The following MTRF1 variants were observed in gnomAD, a reference collection of about 807,000 sequenced individuals.
MTRF1 encodes the protein peptide chain release factor 1, mitochondrial.
In MTRF1, 51 loss-of-function variants were observed where a neutral mutation model predicts 62.9. That is an observed-to-expected ratio of 0.81 (90% CI 0.65 to 1.02). MTRF1 has a LOEUF of 1.02. MTRF1 is among the 50% of genes least tolerant of loss of function. MTRF1 has a pLI of 0.00. For missense variants in MTRF1, 446 were observed against 530.0 expected (o/e 0.84, Z 1.56); for synonymous variants, 158 against 181.9 (o/e 0.87, Z 1.06).
At chr13:41,306,465 G>A in the MTRF1 span, among the ~76,000 whole-genome samples, 2 of 152,160 alleles carry the variant, frequency 1.3e-5, no homozygotes, top group East Asian at 1.9e-4. Context: ...GGAACACGTT[G>A]TATAACCTGA....
chr13:41,309,682 A>C, the MTRF1 span, among the ~76,000 whole-genome samples: 1 of 152,182 alleles, frequency 6.6e-6, no homozygotes, highest in Admixed American at 6.5e-5. Context: ...TTCATGTCCA[A>C]CCAACTTAGG....
the MTRF1 span, among the ~76,000 whole-genome samples, chr13:41,277,866 G>A: frequency 2.6e-5 from 4 of 152,312 alleles, no homozygotes; most frequent in Admixed American, 2.6e-4. Flanking sequence ...CCAGCCATCA[G>A]TCAACTCCTT....
At chr13:41,229,032 G>C (rs1265314784) in intron 7 of MTRF1, 1 of 152,228 alleles carries the variant, frequency 6.6e-6, no homozygotes, top group Non-Finnish European at 1.5e-5. Context: ...TAACTGCATG[G>C]CTTCATAAGG....
chr13:41,275,757 T>C, the MTRF1 span, among the ~76,000 whole-genome samples: 1 of 152,188 alleles, frequency 6.6e-6, no homozygotes, highest in Non-Finnish European at 1.5e-5. Context: ...CCTCCCAAAG[T>C]GCTGGGATTA....
chr13:41,223,686 C>A (rs1285863755), intron 8 of MTRF1, among the ~76,000 whole-genome samples: 1 of 152,152 alleles, frequency 6.6e-6, no homozygotes, highest in Non-Finnish European at 1.5e-5. Flanking sequence ...GTAGAAAATT[C>A]TGACATTCTG....
At position 41,231,498 on chromosome 13, in the gene MTRF1, G is replaced by A. The variant is rs141823425; in HGVS notation, c.988+2392C>T. Among the ~76,000 whole-genome samples, 392 of 152,334 alleles carry A rather than the reference G, an allele frequency of 2.6e-3. 1 individual carries two copies. The highest frequency in any genetic ancestry group is 0.014 in the Middle Eastern group (4 of 294). The stretch of plus-strand genomic sequence containing the variant: ...GAGGATTAAGTAAACAACTGCTATT[G>A]AAAGGTGAGACCTTGACTTTACTCT... On this transcript the variant is annotated intron_variant, in intron 7 of 9. Transcript: ENST00000379480.
chr13:41,254,594 A>G lies in MTRF1; in HGVS notation c.442T>C (p.Leu148=), dbSNP rs1476315242. The G allele has an allele frequency of 6.2e-7, 1 of 1,613,476 alleles. No individual in the cohort carries two copies. Among genetic ancestry groups the G allele is most frequent in the Admixed American group, 1.7e-5 (1 of 59,988 alleles). ...CTTTCTTCCAGTGCAAGTTCTTGTA[A>G]CTGCTTTTCATCTTGTTTATTTAGG... The part of the protein sequence containing the change: ...KSLNKQDEKQ[L]QELALEERQT... Residue 148 remains leucine, a synonymous_variant, in exon 3 of 10, where the codon TTA becomes CTA. Transcript: ENST00000379480.
intron 6 of MTRF1, among the ~76,000 whole-genome samples, chr13:41,239,006 G>C (rs985410552): frequency 6.6e-6 from 1 of 151,074 alleles, no homozygotes; most frequent in African/African-American, 2.5e-5. Flanking sequence ...TTTTCAAGAA[G>C]TCATTATCAC....
At chr13:41,305,778 A>G in the MTRF1 span, among the ~76,000 whole-genome samples, 1,113 of 152,284 alleles carry the variant, frequency 7.3e-3, 18 homozygotes, top group African/African-American at 0.025. Context: ...ACCTCCCCAA[A>G]GGGTTCTCAT....
intron 9 of MTRF1, among the ~76,000 whole-genome samples, chr13:41,218,357 C>G (rs991052398): frequency 6.8e-6 from 1 of 146,222 alleles, no homozygotes; most frequent in African/African-American, 2.6e-5. Context: ...CTCCTGAGCT[C>G]AAGCGATCCT....
At chr13:41,231,878 C>CAAAAA (rs57305711) in intron 7 of MTRF1, among the ~76,000 whole-genome samples, 1 of 104,088 alleles carries the variant, frequency 9.6e-6, no homozygotes, top group Non-Finnish European at 2.0e-5. Flanking sequence ...TGGTGTCTAC[C>CAAAAA]AAAAAAAAAA....
intron 1 of MTRF1, chr13:41,261,770 T>C (rs983342028): frequency 1.4e-5 from 14 of 984,868 alleles, no homozygotes; most frequent in Non-Finnish European, 1.6e-5. Context: ...ACTCAGTAAT[T>C]TTCACTCTCA....
At position 41,226,421 on chromosome 13, in the gene MTRF1, G is replaced by C; in HGVS notation, c.1125+11C>G. The C allele has an allele frequency of 3.7e-6, 6 of 1,603,590 alleles. No homozygotes were observed. Among genetic ancestry groups the C allele is most frequent in the Non-Finnish European group, 5.1e-6 (6 of 1,177,688 alleles). ...AACAGTCACTAAATTATTATACCAAGTAAATCTTACCTGCAGTTTTCTAGC... is the reference window on the plus strand; with the variant it reads ...AACAGTCACTAAATTATTATACCAACTAAATCTTACCTGCAGTTTTCTAGC... On this transcript the variant is annotated intron_variant, in intron 8 of 9. Transcript: ENST00000379480.
the MTRF1 span, among the ~76,000 whole-genome samples, chr13:41,275,496 G>A: frequency 6.0e-5 from 8 of 134,382 alleles, no homozygotes; most frequent in Non-Finnish European, 9.2e-5. Context: ...CACCGTGCCC[G>A]GCTTTTTTTT....
At chr13:41,220,444 C>A in intron 9 of MTRF1, 1 of 543,306 alleles carries the variant, frequency 1.8e-6, no homozygotes, top group South Asian at 1.8e-5. Flanking sequence ...AAGAAATCTG[C>A]ACAAGGACAT....
chr13:41,223,283 C>T lies in MTRF1; in HGVS notation c.1197G>A (p.Arg399=). ...NFTQDRVSDH[R]IAYEVRDIKE... ...TAATATCACGAACTTCATATGCTATCCTGTGGTCACTGACTCTATCCTGGG... is the reference window on the plus strand; with the variant it reads ...TAATATCACGAACTTCATATGCTATTCTGTGGTCACTGACTCTATCCTGGG... The change falls in exon 9 of 10, where the codon AGG becomes AGA. Residue 399 remains arginine (R), a synonymous_variant. Coordinates refer to ENST00000379480, the MANE Select transcript of MTRF1 (RefSeq NM_004294.4). 6.2e-7 allele frequency: 1 copy of T among 1,613,886 alleles called. No individual in the cohort carries two copies. The highest frequency in any genetic ancestry group is 8.5e-7 in the Non-Finnish European group (1 of 1,179,858).
rs117947935 is a variant in MTRF1 at position 41,260,220 on chromosome 13, C to T, written c.415+273G>A. Among the ~76,000 whole-genome samples, 35 of 151,900 alleles carry T rather than the reference C, an allele frequency of 2.3e-4. No individual in the cohort carries two copies. The East Asian group carries it at 6.0e-3, about 26-fold the overall frequency. On this transcript the variant is annotated intron_variant, in intron 2 of 9. Transcript: ENST00000379480. ...AGTGGCTCGGTGGCTATAATCATAT[C>T]GCTTTGGAAAGCCCTGGCACAATAG...
chr13:41,238,076 T>C (rs1286120448), intron 6 of MTRF1, among the ~76,000 whole-genome samples: 1 of 152,178 alleles, frequency 6.6e-6, no homozygotes, highest in Non-Finnish European at 1.5e-5. Context: ...TTTCAAAACA[T>C]GTATTTCCTG....
chr13:41,242,323 G>A (rs1288509157), intron 5 of MTRF1, among the ~76,000 whole-genome samples: 1 of 151,616 alleles, frequency 6.6e-6, no homozygotes, highest in Non-Finnish European at 1.5e-5. Flanking sequence ...GAATTCTTCT[G>A]ACATGCCCCA....
Sources: gnomAD v4.1 joint callset for allele counts (sites outside exome capture counted in the v4.1 genomes callset) on GRCh38, gnomAD v4.1.1 for gene constraint, MANE v1.5 for transcripts, NCBI Gene and HGNC (gene_info 2026-07-23, HGNC 2026-07-21) for gene names.